Variants in COBL observed in about 807,000 individuals in gnomAD.
The protein encoded by COBL is protein cordon-bleu.
Under a neutral mutation model 98.8 loss-of-function variants are expected in COBL, and 51 were observed. That is an observed-to-expected ratio of 0.52 (90% CI 0.41 to 0.65). COBL has a LOEUF of 0.65. COBL is among the 30% of genes least tolerant of loss of function. The pLI, the probability that COBL is intolerant of heterozygous loss-of-function variation, is 0.00. For missense variants in COBL, 1,617 were observed against 1,617.5 expected (o/e 1.00, Z 0.01); for synonymous variants, 634 against 651.7 (o/e 0.97, Z 0.41).
intron 7 of COBL, among the ~76,000 whole-genome samples, chr7:51,063,576 G>A (rs537643840): frequency 1.4e-4 from 21 of 152,352 alleles, no homozygotes; most frequent in Non-Finnish European, 2.5e-4. Flanking sequence ...ACAGAGGTCT[G>A]CAGACAGCAG....
chr7:51,315,269 AAAAG>A (rs1425483386), intron 1 of COBL, among the ~76,000 whole-genome samples: 2 of 151,978 alleles, frequency 1.3e-5, no homozygotes, highest in African/African-American at 4.8e-5. Context: ...CAAAAAAAAA[AAAAG>A]AGAGAGAGAA....
At chr7:51,198,200 G>A (rs547462868) in intron 2 of COBL, among the ~76,000 whole-genome samples, 2 of 152,242 alleles carry the variant, frequency 1.3e-5, no homozygotes, top group African/African-American at 4.8e-5. Context: ...AGGCAGGTTT[G>A]GAGGTAAGGA....
chr7:51,251,410 C>T lies in COBL; in HGVS notation c.42-31466G>A, dbSNP rs74735401. Among the ~76,000 whole-genome samples, 473 of 152,300 alleles carry T rather than the reference C, an allele frequency of 3.1e-3. 2 individuals carry two copies. The highest frequency in any genetic ancestry group is 0.011 in the African/African-American group (437 of 41,570). ...AGGATTCTGTGCTGTCGTTTCAGGA[C>T]GCTGCCAGCTATACAAAGGTGTGAC... On this transcript the variant is annotated intron_variant, in intron 1 of 12. Transcript: ENST00000265136.
At chr7:51,303,645 G>A (rs1317414555) in intron 1 of COBL, among the ~76,000 whole-genome samples, 2 of 152,162 alleles carry the variant, frequency 1.3e-5, no homozygotes, top group African/African-American at 4.8e-5. Context: ...CTGGGAGAGG[G>A]ATTTTACCAA....
chr7:51,103,518 G>A lies in COBL; in HGVS notation c.958-18214C>T, dbSNP rs78264472. On this transcript the variant is annotated intron_variant, in intron 6 of 12. Coordinates refer to ENST00000265136, the MANE Select transcript of COBL (RefSeq NM_015198.5). ...CCCTTTTTTGGTTTCTCACCATGTG[G>A]CATACTAAGAAAGGGACTTGATTCG... Among the ~76,000 whole-genome samples the A allele has an allele frequency of 4.4e-3, 666 of 152,128 alleles. 4 individuals are homozygous for A. Among genetic ancestry groups the A allele is most frequent in the African/African-American group, 0.015 (625 of 41,496 alleles).
intron 7 of COBL, among the ~76,000 whole-genome samples, chr7:51,074,299 G>T (rs1329155527): frequency 6.7e-6 from 1 of 149,836 alleles, no homozygotes; most frequent in African/African-American, 2.5e-5. Flanking sequence ...TGATTCAAGG[G>T]ATTCTCCTGC....
chr7:51,313,479 A>G (rs535955486), intron 1 of COBL, among the ~76,000 whole-genome samples: 1 of 152,376 alleles, frequency 6.6e-6, no homozygotes, highest in Admixed American at 6.5e-5. Flanking sequence ...CTATGTGTAC[A>G]TGAAGTCCAC....
At chr7:51,025,840 AG>A (rs1468400495) in intron 11 of COBL, among the ~76,000 whole-genome samples, 1 of 152,214 alleles carries the variant, frequency 6.6e-6, no homozygotes, top group South Asian at 2.1e-4. Context: ...CAATAAGCCC[AG>A]GAAGTTTGTC....
chr7:51,209,346 C>A (rs1792178471), intron 2 of COBL, among the ~76,000 whole-genome samples: 1 of 152,178 alleles, frequency 6.6e-6, no homozygotes, highest in Admixed American at 6.5e-5. Context: ...AGAGCAGGTG[C>A]CAGTAAGGAA....
intron 1 of COBL, among the ~76,000 whole-genome samples, chr7:51,272,812 T>C (rs1296473403): frequency 6.6e-6 from 1 of 152,118 alleles, no homozygotes; most frequent in Admixed American, 6.5e-5. Flanking sequence ...GACAAGCCAT[T>C]GGGCTAAGAC....
chr7:51,190,043 T>C (rs985773251), intron 4 of COBL, among the ~76,000 whole-genome samples: 1 of 152,132 alleles, frequency 6.6e-6, no homozygotes, highest in Non-Finnish European at 1.5e-5. Context: ...GGCAACACAG[T>C]GAGGAGGCCT....
chr7:51,145,459 C>T (rs1302791344), intron 5 of COBL, among the ~76,000 whole-genome samples: 1 of 151,306 alleles, frequency 6.6e-6, no homozygotes, highest in East Asian at 1.9e-4. Context: ...CAGTTCACTG[C>T]AACCTCTACC....
intron 1 of COBL, among the ~76,000 whole-genome samples, chr7:51,304,459 T>A (rs1802273556): frequency 6.6e-6 from 1 of 152,236 alleles, no homozygotes; most frequent in African/African-American, 2.4e-5. Context: ...CTATGATTTG[T>A]ATTGTATTTC....
At chr7:51,023,167 C>T (rs1247858667) in intron 12 of COBL, among the ~76,000 whole-genome samples, 1 of 152,182 alleles carries the variant, frequency 6.6e-6, no homozygotes, top group East Asian at 1.9e-4. Context: ...AGAATTTGTG[C>T]TCATTTTTAT....
Position 51,083,326 on chromosome 7 carries a change from A to G in COBL, c.1096+1840T>C, listed in dbSNP as rs1449325510. ...CTCACTGGGCACCAGATCCAGCCAC[A>G]CTCAACACCAGATCCAGCCACACCT... On this transcript the variant is annotated intron_variant, in intron 7 of 12. Transcript: ENST00000265136. 9.6e-6 allele frequency: 8 copies of G among 837,288 alleles called. No individual in the cohort carries two copies. In the East Asian group the frequency reaches 1.4e-4, roughly 15 times the overall value. The allele number at this position is 837,288 out of a possible 1,614,324, so 51.9% of individuals were successfully genotyped here. A position where few individuals can be genotyped will look rare whatever the true frequency, so the allele number is the denominator to read the frequency against.
chr7:51,132,056 T>C (rs1267743929), intron 6 of COBL, among the ~76,000 whole-genome samples: 3 of 152,256 alleles, frequency 2.0e-5, no homozygotes, highest in Non-Finnish European at 4.4e-5. Context: ...TTTAACAGAA[T>C]GAACCTGCTG....
In COBL at chr7:51,156,698, TCACACACACACACACACACACACACA is replaced by T. The variant is rs68039377; in HGVS notation, c.784-20393_784-20368del. On this transcript the variant is annotated intron_variant, in intron 5 of 12. Coordinates refer to ENST00000265136, the MANE Select transcript of COBL (RefSeq NM_015198.5). Reference sequence around the variant, plus strand: ...TGTACAGTCAATAAAAAACCACCCTTCACACACACACACACACACACACACACACACACACACACACACAATGAACT... The same window carrying T: ...TGTACAGTCAATAAAAAACCACCCTTCACACACACACACACACAATGAACT... The T allele has an allele frequency of 2.8e-3, 474 of 169,922 alleles. 4 individuals carry two copies. Among genetic ancestry groups the T allele is most frequent in the Non-Finnish European group, 2.6e-3 (241 of 92,250 alleles). 10.5% of individuals were successfully genotyped at this position (169,922 alleles called of 1,614,324 possible). A position where few individuals can be genotyped will look rare whatever the true frequency, so the allele number is the denominator to read the frequency against.
intron 6 of COBL, among the ~76,000 whole-genome samples, chr7:51,091,807 T>C (rs1230359283): frequency 1.3e-5 from 2 of 151,768 alleles, no homozygotes; most frequent in Non-Finnish European, 2.9e-5. Flanking sequence ...TTCAAGGGAG[T>C]CTTATAATAT....
chr7:51,185,498 C>A (rs1344557795), intron 4 of COBL, among the ~76,000 whole-genome samples: 2 of 152,204 alleles, frequency 1.3e-5, no homozygotes, highest in African/African-American at 4.8e-5. Flanking sequence ...GGCACTCACA[C>A]AGCTCAGCAC....
Sources: gnomAD v4.1 joint callset for allele counts (sites outside exome capture counted in the v4.1 genomes callset) on GRCh38, gnomAD v4.1.1 for gene constraint, MANE v1.5 for transcripts, NCBI Gene and HGNC (gene_info 2026-07-23, HGNC 2026-07-21) for gene names.